The following ADGRV1 variants were observed in gnomAD, a reference collection of about 807,000 sequenced individuals.
ADGRV1 encodes G-protein coupled receptor 98.
A neutral mutation model predicts 596.2 loss-of-function variants in ADGRV1; 359 were observed. The observed-to-expected ratio is 0.60, with a 90% CI of 0.55 to 0.66. ADGRV1 has a LOEUF of 0.66. Among genes scored for constraint, ADGRV1 ranks in the 30% least tolerant of loss-of-function variants. The pLI, the probability that ADGRV1 is intolerant of heterozygous loss-of-function variation, is 0.00. For missense variants in ADGRV1, 7,274 were observed against 7,575.6 expected, an observed-to-expected ratio of 0.96 and a Z score of 1.48; for synonymous variants, 2,681 against 2,679.2, an observed-to-expected ratio of 1.00 and a Z score of -0.02.
intron 87 of ADGRV1, among the ~76,000 whole-genome samples, chr5:91,110,663 G>C (rs904424352): frequency 1.3e-5 from 2 of 152,170 alleles, no homozygotes; most frequent in African/African-American, 4.8e-5. Flanking sequence ...AAGATAATGA[G>C]AGTAGCCAGC....
At chr5:90,928,236 T>G (rs547186299) in intron 83 of ADGRV1, among the ~76,000 whole-genome samples, 1 of 152,150 alleles carries the variant, frequency 6.6e-6, no homozygotes, top group Non-Finnish European at 1.5e-5. Context: ...TTTTCCACCT[T>G]GGTTCCATTC....
At chr5:91,013,497 A>C (rs1329060358) in intron 85 of ADGRV1, among the ~76,000 whole-genome samples, 1 of 152,090 alleles carries the variant, frequency 6.6e-6, no homozygotes, top group African/African-American at 2.4e-5. Flanking sequence ...CCTGTTGGCC[A>C]CATGTATGTC....
chr5:90,616,305 C>T (rs1282882402), intron 2 of ADGRV1, among the ~76,000 whole-genome samples: 1 of 152,000 alleles, frequency 6.6e-6, no homozygotes, highest in Non-Finnish European at 1.5e-5. Context: ...CGCACAAGCT[C>T]ATGCAGAATC....
intron 83 of ADGRV1, among the ~76,000 whole-genome samples, chr5:90,878,225 T>G (rs1437696648): frequency 6.6e-6 from 1 of 152,212 alleles, no homozygotes; most frequent in Non-Finnish European, 1.5e-5. Context: ...TCAAACAGTT[T>G]TGTGAGAAAC....
At chr5:90,983,009 A>T (rs1455133828) in intron 84 of ADGRV1, among the ~76,000 whole-genome samples, 1 of 152,208 alleles carries the variant, frequency 6.6e-6, no homozygotes, top group Non-Finnish European at 1.5e-5. Flanking sequence ...AAATAATTAA[A>T]TGTTGTTCCA....
chr5:90,645,733 T>G (rs1050393234), intron 15 of ADGRV1, among the ~76,000 whole-genome samples: 1 of 152,218 alleles, frequency 6.6e-6, no homozygotes, highest in African/African-American at 2.4e-5. Flanking sequence ...ATATTTCCAT[T>G]AAATTTCATA....
intron 37 of ADGRV1, among the ~76,000 whole-genome samples, chr5:90,705,842 C>T (rs1471246839): frequency 1.3e-5 from 2 of 152,214 alleles, no homozygotes; most frequent in Non-Finnish European, 1.5e-5. Context: ...CTAATCTACA[C>T]TGGGCTTGGC....
At chr5:90,894,811 G>A (rs1264435593) in intron 83 of ADGRV1, among the ~76,000 whole-genome samples, 3 of 152,164 alleles carry the variant, frequency 2.0e-5, no homozygotes, top group Admixed American at 2.0e-4. Context: ...AATGAGGAAT[G>A]TCCATATTAA....
intron 87 of ADGRV1, among the ~76,000 whole-genome samples, chr5:91,122,869 G>A (rs1793445815): frequency 6.6e-6 from 1 of 152,210 alleles, no homozygotes; most frequent in South Asian, 2.1e-4. Context: ...CCCTGCTAAA[G>A]ATTTCACACT....
rs11952788 is a variant in ADGRV1, at chr5:90,668,153, A to C, written c.4753-4393A>C. 2.4e-3 allele frequency among the ~76,000 whole-genome samples: 369 copies of C among 151,306 alleles called. 3 individuals are homozygous for C. Among genetic ancestry groups the C allele is most frequent in the South Asian group, 0.022 (103 of 4,764 alleles). ...TGGGCTCCACCCAGTCTGAGCTTCC[A>C]GGCTGCTTTGTTTACCTAAGCAAGC... On this transcript the variant is annotated intron_variant, in intron 21 of 89. Transcript: ENST00000405460.
At chr5:90,944,454 G>C (rs1047064839) in intron 83 of ADGRV1, among the ~76,000 whole-genome samples, 1 of 152,098 alleles carries the variant, frequency 6.6e-6, no homozygotes, top group Admixed American at 6.6e-5. Flanking sequence ...GGTTTGCCTG[G>C]TTTTGAAGAG....
At chr5:90,626,418 G>A (rs1384354157) in intron 6 of ADGRV1, 2 of 152,030 alleles carry the variant, frequency 1.3e-5, no homozygotes, top group African/African-American at 2.4e-5. Flanking sequence ...AAGATCAATC[G>A]AATCATAACA....
At chr5:90,993,220 G>C (rs766923107) in intron 85 of ADGRV1, among the ~76,000 whole-genome samples, 1 of 145,580 alleles carries the variant, frequency 6.9e-6, no homozygotes, top group African/African-American at 2.6e-5. Flanking sequence ...GTGCAGTGGC[G>C]TGATCCTGGT....
At chr5:90,751,362 G>A (rs1267282195) in intron 53 of ADGRV1, among the ~76,000 whole-genome samples, 2 of 152,086 alleles carry the variant, frequency 1.3e-5, no homozygotes, top group African/African-American at 2.4e-5. Flanking sequence ...CCACCCTCAG[G>A]GTTGGGTATA....
intron 80 of ADGRV1, among the ~76,000 whole-genome samples, 183 bp from the exon 81 acceptor site, chr5:90,853,879 G>C (rs920767356): frequency 7.2e-5 from 11 of 152,074 alleles, no homozygotes; most frequent in African/African-American, 2.7e-4. Context: ...GCTAAGGCGG[G>C]GTAGAAAGGG....
At position 90,683,980 on chromosome 5, in the gene ADGRV1, A is replaced by T. The variant is rs1292731136; in HGVS notation, c.6059A>T (p.Asp2020Val). ...KVLVSYATLD[D>V]MEKPPYFPPN... ...CTTGTCTCATATGCAACACTAGATG[A>T]TATGGAAAAACCACCTTATTTTCCA... The change falls in exon 28 of 90, where the codon GAT becomes GTT. Residue 2020 changes from aspartate to valine, a missense_variant. Physicochemically the swap from Asp to Val is radical, Grantham distance 152. This residue lies in a region of ADGRV1 where 3,643 missense variants were observed against 3,809.2 expected (regional missense o/e 0.96). Transcript: ENST00000405460. 3.1e-6 allele frequency: 5 copies of T among 1,613,856 alleles called. No homozygotes were observed. In the African/African-American group the frequency reaches 5.3e-5, roughly 17 times the overall value.
At chr5:90,571,204 C>G (rs1756482249) in intron 1 of ADGRV1, among the ~76,000 whole-genome samples, 1 of 151,940 alleles carries the variant, frequency 6.6e-6, no homozygotes, top group African/African-American at 2.4e-5. Flanking sequence ...CAGAGATTTT[C>G]TTAAATCCTG....
At chr5:90,953,237 G>C (rs1777195650) in intron 83 of ADGRV1, among the ~76,000 whole-genome samples, 3 of 152,134 alleles carry the variant, frequency 2.0e-5, no homozygotes. Flanking sequence ...TGCAAGTTTT[G>C]TCATTGGTTA....
chr5:90,812,611 T>C (rs1311626440), intron 74 of ADGRV1, among the ~76,000 whole-genome samples: 1 of 152,194 alleles, frequency 6.6e-6, no homozygotes, highest in Non-Finnish European at 1.5e-5. Flanking sequence ...TCGTATTTTA[T>C]TTTAGCCACT....
Sources: allele counts gnomAD v4.1 joint callset (sites outside exome capture counted in the v4.1 genomes callset), GRCh38; gene constraint gnomAD v4.1.1; regional missense constraint gnomAD v4.1.1; transcripts MANE v1.5; gene names NCBI Gene and HGNC (gene_info 2026-07-23, HGNC 2026-07-21).